The following KLHL20 variants were observed in gnomAD, a reference collection of about 807,000 sequenced individuals.
KLHL20 encodes kelch like family member 20, also known as kelch-like protein 20.
Under a neutral mutation model 69.5 loss-of-function variants are expected in KLHL20, and 29 were observed. The observed-to-expected ratio is 0.42, with a 90% CI of 0.31 to 0.57. The LOEUF (loss-of-function observed/expected upper bound fraction) is 0.57, where lower values mean the gene tolerates loss of function less well. Ranked by LOEUF, KLHL20 falls within the 20% of genes least tolerant of loss-of-function variation. The pLI, the probability that KLHL20 is intolerant of heterozygous loss-of-function variation, is 0.18. For missense variants in KLHL20, 419 were observed against 776.0 expected (o/e 0.54, Z 5.47); for synonymous variants, 253 against 265.2 (o/e 0.95, Z 0.45).
intron 5 of KLHL20, among the ~76,000 whole-genome samples, chr1:173,755,059 CTTTTTT>C (rs372616022): frequency 7.5e-6 from 1 of 133,542 alleles, no homozygotes; most frequent in African/African-American, 2.8e-5. Context: ...AAGTCTTTGT[CTTTTTT>C]TTTTTTTTTT....
chr1:173,762,133 A>G (rs997249400), intron 7 of KLHL20, among the ~76,000 whole-genome samples: 2 of 152,160 alleles, frequency 1.3e-5, no homozygotes, highest in African/African-American at 4.8e-5. Context: ...AGAGATGAAT[A>G]AATTACTGGA....
chr1:173,758,185 C>T (rs925371643), intron 7 of KLHL20, among the ~76,000 whole-genome samples: 2 of 151,804 alleles, frequency 1.3e-5, no homozygotes, highest in African/African-American at 4.8e-5. Flanking sequence ...GCAGGAGGCC[C>T]GCTTGAGCCT....
chr1:173,749,770 A>T lies in KLHL20; in HGVS notation c.598-1994A>T, dbSNP rs531564935. Among the ~76,000 whole-genome samples, 301 of 152,306 alleles carry T rather than the reference A, an allele frequency of 2.0e-3. 1 individual carries two copies. Among genetic ancestry groups the T allele is most frequent in the African/African-American group, 6.7e-3 (278 of 41,568 alleles). On this transcript the variant is annotated intron_variant, in intron 3 of 11. Coordinates refer to ENST00000209884, the MANE Select transcript of KLHL20 (RefSeq NM_014458.4). ...TTTGGTTTATACTCTGATGAAATTTAAAAAAATGTTTAGGCACTTCACAAA... is the reference window on the plus strand; with the variant it reads ...TTTGGTTTATACTCTGATGAAATTTTAAAAAATGTTTAGGCACTTCACAAA...
chr1:173,759,700 C>T (rs945630386), intron 7 of KLHL20, among the ~76,000 whole-genome samples: 7 of 152,176 alleles, frequency 4.6e-5, no homozygotes, highest in African/African-American at 7.2e-5. Context: ...GGGAACACTT[C>T]GTGGAACAAA....
intron 5 of KLHL20, among the ~76,000 whole-genome samples, chr1:173,754,809 C>G (rs1571901264): frequency 6.6e-6 from 1 of 152,184 alleles, no homozygotes; most frequent in East Asian, 1.9e-4. Context: ...TCCTGATATC[C>G]TAACTTCTTT....
intron 3 of KLHL20, among the ~76,000 whole-genome samples, chr1:173,748,083 C>A (rs1172341235): frequency 6.6e-6 from 1 of 151,920 alleles, no homozygotes; most frequent in Non-Finnish European, 1.5e-5. Context: ...GGCAAATTCT[C>A]TGAAGAAAAC....
rs543333869 is a variant in KLHL20, at chr1:173,725,079, T to TA, written c.24-8621dup. On this transcript the variant is annotated intron_variant, in intron 2 of 11. Coordinates refer to ENST00000209884, the MANE Select transcript of KLHL20 (RefSeq NM_014458.4). The stretch of plus-strand genomic sequence containing the variant: ...TGAAGTTTTTCATGATGACTGAATC[T>TA]AAAAAAAAAAAAATCTGTATTTGGT... Among the ~76,000 whole-genome samples, 1,305 of 144,828 alleles carry TA rather than the reference T, an allele frequency of 9.0e-3. 2 individuals are homozygous for TA. The highest frequency in any genetic ancestry group is 0.025 in the East Asian group (126 of 5,048).
intron 3 of KLHL20, among the ~76,000 whole-genome samples, chr1:173,736,652 G>C (rs562112806): frequency 6.6e-6 from 1 of 151,682 alleles, no homozygotes; most frequent in Non-Finnish European, 1.5e-5. Context: ...CTGGAGTGCA[G>C]TGGCATGATC....
Position 173,777,937 on chromosome 1 carries a change from G to C in KLHL20, c.1638+2095G>C, listed in dbSNP as rs144120971. ...AATACTAGCCTCCTAAAGTGAGTTT[G>C]GAAGTGTTACCTCTTCCTCTATGTT... On this transcript the variant is annotated intron_variant, in intron 10 of 11. Transcript: ENST00000209884. Among the ~76,000 whole-genome samples the C allele has an allele frequency of 6.5e-4, 99 of 152,210 alleles. 1 individual carries two copies. The highest frequency in any genetic ancestry group is 6.3e-3 in the Admixed American group (96 of 15,296).
chr1:173,778,175 A>G (rs1297177494), intron 10 of KLHL20, among the ~76,000 whole-genome samples: 2 of 151,324 alleles, frequency 1.3e-5, no homozygotes, highest in East Asian at 1.9e-4. Context: ...GCACCCATCA[A>G]CTCGTCATTT....
intron 4 of KLHL20, among the ~76,000 whole-genome samples, chr1:173,752,289 A>C (rs898756586): frequency 1.3e-5 from 2 of 152,122 alleles, no homozygotes; most frequent in Non-Finnish European, 2.9e-5. Flanking sequence ...TTGTCTTGCA[A>C]ACATAAAACA....
chr1:173,778,458 A>T (rs866086546), intron 10 of KLHL20, among the ~76,000 whole-genome samples: 10 of 151,616 alleles, frequency 6.6e-5, no homozygotes, highest in African/African-American at 2.4e-4. Context: ...TCTCCCCATT[A>T]GCTGGGACTA....
intron 3 of KLHL20, 101 bp from the exon 4 acceptor site, chr1:173,751,663 G>A (rs982874910): frequency 4.7e-5 from 51 of 1,090,870 alleles, no homozygotes; most frequent in South Asian, 9.7e-5. Flanking sequence ...AAACTTCAGC[G>A]CATTGTAGAA....
At chr1:173,719,369 T>G (rs2102450413) in intron 2 of KLHL20, among the ~76,000 whole-genome samples, 1 of 152,082 alleles carries the variant, frequency 6.6e-6, no homozygotes, top group South Asian at 2.1e-4. Context: ...TCCCAGCACT[T>G]TGGGAGGCTG....
chr1:173,758,991 G>T (rs569286975), intron 7 of KLHL20, among the ~76,000 whole-genome samples: 1 of 152,150 alleles, frequency 6.6e-6, no homozygotes, highest in Non-Finnish European at 1.5e-5. Flanking sequence ...CCTGCTGCCC[G>T]CCTGTGGCCT....
intron 2 of KLHL20, among the ~76,000 whole-genome samples, chr1:173,724,443 G>A (rs1004121987): frequency 3.3e-5 from 5 of 151,996 alleles, no homozygotes; most frequent in Non-Finnish European, 4.4e-5. Flanking sequence ...AATGCTTTGT[G>A]TACATTAAAA....
At chr1:173,750,644 C>T (rs1571894669) in intron 3 of KLHL20, among the ~76,000 whole-genome samples, 1 of 152,088 alleles carries the variant, frequency 6.6e-6, no homozygotes, top group Non-Finnish European at 1.5e-5. Flanking sequence ...AAACTCCTGA[C>T]CTCAAGTGAT....
At chr1:173,756,770 AATAGACGT>A (rs1195943767) in intron 6 of KLHL20, among the ~76,000 whole-genome samples, 198 bp from the exon 7 acceptor site, 1 of 152,190 alleles carries the variant, frequency 6.6e-6, no homozygotes, top group Non-Finnish European at 1.5e-5. Context: ...TCCTTTGTAA[AATAGACGT>A]AATACTAACT....
At chr1:173,783,606 G>A (rs1649004055) in intron 11 of KLHL20, among the ~76,000 whole-genome samples, 1 of 152,144 alleles carries the variant, frequency 6.6e-6, no homozygotes, top group Admixed American at 6.5e-5. Flanking sequence ...GGTGGCTCAT[G>A]CCTGTAATCT....
Sources: allele counts gnomAD v4.1 joint callset (sites outside exome capture counted in the v4.1 genomes callset), GRCh38; gene constraint gnomAD v4.1.1; transcripts MANE v1.5; gene names NCBI Gene and HGNC (gene_info 2026-07-23, HGNC 2026-07-21).